HDC: variants seen among roughly 807,000 people sequenced by gnomAD.
HDC encodes the protein histidine decarboxylase.
Under a neutral mutation model 64.4 loss-of-function variants are expected in HDC, and 27 were observed. That is an observed-to-expected ratio of 0.42 (90% confidence interval 0.31 to 0.58). HDC has a LOEUF of 0.58. Ranked by LOEUF, HDC falls within the 20% of genes least tolerant of loss-of-function variation. The pLI, the probability that HDC is intolerant of heterozygous loss-of-function variation, is 0.16. For synonymous variants in HDC, 305 were observed against 314.2 expected (o/e 0.97, Z 0.31); for missense variants, 711 against 833.9 (o/e 0.85, Z 1.81).
chr15:50,259,397 C>T (rs1002983433), intron 2 of HDC, among the ~76,000 whole-genome samples: 1 of 152,148 alleles, frequency 6.6e-6, no homozygotes, highest in East Asian at 1.9e-4. Flanking sequence ...TATGGGAGGC[C>T]GACCTCCAGG....
intron 2 of HDC, among the ~76,000 whole-genome samples, chr15:50,262,342 G>A (rs1360006133): frequency 6.6e-6 from 1 of 152,190 alleles, no homozygotes; most frequent in Non-Finnish European, 1.5e-5. Flanking sequence ...CTGAGCATCA[G>A]CAGTTTCCTC....
At chr15:50,254,106 G>C in intron 6 of HDC, 24 bp downstream of exon 6, 1 of 1,613,560 alleles carries the variant, frequency 6.2e-7, no homozygotes, top group Non-Finnish European at 8.5e-7. Flanking sequence ...ATCATTCTAA[G>C]CTTAGGCATA....
At chr15:50,257,573 C>T in intron 3 of HDC, 26 bp from the exon 4 acceptor site, 5 of 1,613,536 alleles carry the variant, frequency 3.1e-6, no homozygotes, top group Non-Finnish European at 4.2e-6. Context: ...GAACTTCAAA[C>T]TGCACAGCCC....
At chr15:50,251,299 T>C (rs1372443282) in intron 9 of HDC, among the ~76,000 whole-genome samples, 1 of 152,252 alleles carries the variant, frequency 6.6e-6, no homozygotes, top group Non-Finnish European at 1.5e-5. Context: ...AGAAGAGCTT[T>C]CAGAAATACT....
At chr15:50,257,246 T>C (rs1214751446) in intron 4 of HDC, among the ~76,000 whole-genome samples, 179 bp downstream of exon 4, 1 of 152,224 alleles carries the variant, frequency 6.6e-6, no homozygotes, top group Non-Finnish European at 1.5e-5. Flanking sequence ...TACATGTGAA[T>C]GAAGCAGAAG....
At chr15:50,262,160 A>C (rs1372419061) in intron 2 of HDC, among the ~76,000 whole-genome samples, 1 of 152,082 alleles carries the variant, frequency 6.6e-6, no homozygotes, top group African/African-American at 2.4e-5. Flanking sequence ...GTGTGGAGCC[A>C]GACAGGCAAT....
intron 7 of HDC, 72 bp from the exon 8 acceptor site, chr15:50,252,846 C>G: frequency 6.8e-7 from 1 of 1,466,484 alleles, no homozygotes; most frequent in Admixed American, 1.9e-5. Context: ...CCTGGCCAAG[C>G]TGAGTGGTGG....
intron 10 of HDC, among the ~76,000 whole-genome samples, chr15:50,245,473 A>G (rs1296063761): frequency 6.6e-6 from 1 of 152,192 alleles, no homozygotes; most frequent in Non-Finnish European, 1.5e-5. Context: ...AAGAAGGGGA[A>G]GAAGAGAAGA....
intron 2 of HDC, among the ~76,000 whole-genome samples, chr15:50,262,690 G>T (rs1429594200): frequency 6.6e-6 from 1 of 152,176 alleles, no homozygotes; most frequent in Non-Finnish European, 1.5e-5. Context: ...CCTCAGAGGG[G>T]ACAGGAGGGG....
intron 9 of HDC, among the ~76,000 whole-genome samples, chr15:50,249,039 C>T (rs1465877808): frequency 2.0e-5 from 3 of 152,224 alleles, no homozygotes; most frequent in East Asian, 1.9e-4. Flanking sequence ...CCCTATTTAA[C>T]CTTACACTGC....
intron 4 of HDC, among the ~76,000 whole-genome samples, chr15:50,256,470 C>A (rs568791818): frequency 2.0e-5 from 3 of 152,140 alleles, no homozygotes; most frequent in Non-Finnish European, 4.4e-5. Flanking sequence ...CCCACTGCAG[C>A]CTCAATCTTC....
chr15:50,246,345 G>A (rs892587568), intron 10 of HDC, among the ~76,000 whole-genome samples: 2 of 152,172 alleles, frequency 1.3e-5, no homozygotes, highest in East Asian at 3.8e-4. Flanking sequence ...CTTCTATTGT[G>A]GGACATTGGA....
chr15:50,257,778 A>G (rs183790440), intron 3 of HDC, among the ~76,000 whole-genome samples: 7 of 152,338 alleles, frequency 4.6e-5, no homozygotes, highest in African/African-American at 1.2e-4. Flanking sequence ...CCAAGGCTCT[A>G]TGGAGAAACA....
intron 2 of HDC, among the ~76,000 whole-genome samples, chr15:50,262,185 C>T (rs893156242): frequency 3.9e-5 from 6 of 152,022 alleles, no homozygotes; most frequent in African/African-American, 1.2e-4. Context: ...GGGGCCCAGG[C>T]TTAGCCAGGC....
Position 50,254,663 on chromosome 15 carries a change from C to T in HDC, c.443G>A (p.Ser148Asn), listed in dbSNP as rs2045603777. The change falls in exon 5 of 12, where the codon AGC becomes AAC. Residue 148 changes from serine (S) to asparagine (N), a missense_variant and splice_region_variant. Coordinates refer to ENST00000267845, the MANE Select transcript of HDC (RefSeq NM_002112.4). ...PSSQGGGVLQ[S>N]TVSESTLIAL... ...AATCAAAGTGGATTCACTGACCGTG[C>T]TCTGCAGGGGAAAAGGATTATCATG... is the stretch of plus-strand genomic sequence containing the variant. The T allele has an allele frequency of 1.2e-6, 2 of 1,613,954 alleles. No individual in the cohort carries two copies. Among genetic ancestry groups the T allele is most frequent in the South Asian group, 1.1e-5 (1 of 91,074 alleles).
intron 2 of HDC, among the ~76,000 whole-genome samples, chr15:50,261,286 A>G (rs1395287766): frequency 6.6e-6 from 1 of 152,154 alleles, no homozygotes; most frequent in Admixed American, 6.5e-5. Context: ...GAATCAGCTC[A>G]TTTCCACCTC....
chr15:50,255,424 G>T (rs2045617335), intron 4 of HDC, among the ~76,000 whole-genome samples: 1 of 152,188 alleles, frequency 6.6e-6, no homozygotes, highest in African/African-American at 2.4e-5. Flanking sequence ...GTCATGGAGA[G>T]TGGTGTGGAC....
intron 10 of HDC, among the ~76,000 whole-genome samples, chr15:50,247,908 T>A (rs1343441186): frequency 6.6e-6 from 1 of 152,098 alleles, no homozygotes; most frequent in East Asian, 1.9e-4. Context: ...GATAGGATCC[T>A]ACCCTGGCCA....
chr15:50,263,223 A>G lies in HDC; in HGVS notation c.204+12T>C, dbSNP rs768903364. ...GAAATCCAGAACTGCCCTTGTGGTC[A>G]CTGTGTCTCACCCCAGGCATGATGA... On this transcript the variant is annotated intron_variant, in intron 2 of 11. Coordinates refer to ENST00000267845, the MANE Select transcript of HDC (RefSeq NM_002112.4). The G allele has an allele frequency of 6.2e-7, 1 of 1,613,898 alleles. No homozygotes were observed. Among genetic ancestry groups the G allele is most frequent in the Admixed American group, 1.7e-5 (1 of 60,018 alleles).
Sources: allele counts gnomAD v4.1 joint callset (sites outside exome capture counted in the v4.1 genomes callset), GRCh38; gene constraint gnomAD v4.1.1; transcripts MANE v1.5; gene names NCBI Gene and HGNC (gene_info 2026-07-23, HGNC 2026-07-21).